Variants in OPCML observed in about 807,000 individuals in gnomAD.
OPCML encodes the protein opioid-binding protein/cell adhesion molecule.
OPCML carries 13 observed loss-of-function variants against 37.8 expected under a neutral mutation model. The observed-to-expected ratio is 0.34, with a 90% CI of 0.22 to 0.55. OPCML has a LOEUF of 0.55. Ranked by LOEUF, OPCML falls within the 20% of genes least tolerant of loss-of-function variation. OPCML has a pLI of 0.91. For synonymous variants in OPCML, 176 were observed against 168.8 expected, an observed-to-expected ratio of 1.04 and a Z score of -0.33; for missense variants, 341 against 435.6, an observed-to-expected ratio of 0.78 and a Z score of 1.93.
chr11:132,974,983 C>A (rs988935487), intron 1 of OPCML, among the ~76,000 whole-genome samples: 2 of 151,754 alleles, frequency 1.3e-5, no homozygotes, highest in African/African-American at 2.4e-5. Context: ...GCTAATAATT[C>A]ACTAATCAGT....
At chr11:132,778,768 T>A (rs1452396408) in intron 2 of OPCML, among the ~76,000 whole-genome samples, 1 of 152,050 alleles carries the variant, frequency 6.6e-6, no homozygotes, top group Non-Finnish European at 1.5e-5. Flanking sequence ...CCTATAGAAA[T>A]TAAAAGATAT....
intron 4 of OPCML, among the ~76,000 whole-genome samples, chr11:132,471,936 T>G (rs2136963491): frequency 6.6e-6 from 1 of 152,250 alleles, no homozygotes; most frequent in Admixed American, 6.5e-5. Flanking sequence ...CCTCACCCTC[T>G]TTTCCTTGTC....
At chr11:132,912,531 AT>A (rs1158337380) in intron 2 of OPCML, among the ~76,000 whole-genome samples, 1 of 152,224 alleles carries the variant, frequency 6.6e-6, no homozygotes, top group Non-Finnish European at 1.5e-5. Flanking sequence ...TTAAATAAAC[AT>A]TTGGAAACCT....
rs142692291 is a variant in OPCML, at chr11:132,613,700, C to G, written c.379+43387G>C. On this transcript the variant is annotated intron_variant, in intron 3 of 7. Transcript: ENST00000524381. ...GAGGGGCAGCATATAACACCTTGCA[C>G]TGAATTTAGAGAACAGACATATTTT... 5.3e-3 allele frequency among the ~76,000 whole-genome samples: 802 copies of G among 152,200 alleles called. 4 individuals carry two copies. Among genetic ancestry groups the G allele is most frequent in the Middle Eastern group, 0.02 (6 of 294 alleles).
intron 2 of OPCML, among the ~76,000 whole-genome samples, chr11:132,872,616 A>G (rs747726331): frequency 6.6e-6 from 1 of 152,214 alleles, no homozygotes; most frequent in Non-Finnish European, 1.5e-5. Flanking sequence ...TCTGAGGCCC[A>G]GAAACCATTA....
chr11:132,724,328 C>T (rs1211668494), intron 2 of OPCML, among the ~76,000 whole-genome samples: 1 of 152,162 alleles, frequency 6.6e-6, no homozygotes, highest in Non-Finnish European at 1.5e-5. Context: ...ATGAGACAAA[C>T]ATTAAGTTCT....
At chr11:132,962,771 GGGCA>G (rs1427869028) in intron 1 of OPCML, among the ~76,000 whole-genome samples, 3 of 152,100 alleles carry the variant, frequency 2.0e-5, no homozygotes, top group Non-Finnish European at 4.4e-5. Context: ...ATCCATTCAC[GGGCA>G]GGCACTTCAC....
At chr11:132,967,088 CCT>C (rs998932300) in intron 1 of OPCML, among the ~76,000 whole-genome samples, 3 of 151,632 alleles carry the variant, frequency 2.0e-5, no homozygotes, top group Non-Finnish European at 4.4e-5. Context: ...CTTTTTTGTT[CCT>C]CTGTTTGTCG....
At chr11:132,895,729 A>G (rs1018730432) in intron 2 of OPCML, among the ~76,000 whole-genome samples, 5 of 152,158 alleles carry the variant, frequency 3.3e-5, no homozygotes, top group African/African-American at 7.2e-5. Context: ...TTAACCCTGC[A>G]TTGTCTAAGA....
At chr11:133,445,910 G>T in intron 1 of OPCML, among the ~76,000 whole-genome samples, 1 of 152,070 alleles carries the variant, frequency 6.6e-6, no homozygotes, top group Non-Finnish European at 1.5e-5. Flanking sequence ...AGAAGGAAGG[G>T]GGGGCTGCCA....
intron 1 of OPCML, among the ~76,000 whole-genome samples, chr11:133,430,054 G>C (rs1946086029): frequency 6.6e-6 from 1 of 152,162 alleles, no homozygotes; most frequent in Non-Finnish European, 1.5e-5. Context: ...ATGCAGAGGA[G>C]AGGAGAGAAT....
At chr11:133,266,131 C>T (rs942461218) in intron 1 of OPCML, among the ~76,000 whole-genome samples, 1 of 152,132 alleles carries the variant, frequency 6.6e-6, no homozygotes, top group Non-Finnish European at 1.5e-5. Flanking sequence ...AACAAACAAA[C>T]CTGTTTTGTT....
At position 132,418,509 on chromosome 11, in the gene OPCML, CT is replaced by C. The variant is rs1373320987; in HGVS notation, c.*1683del. The C allele has an allele frequency of 6.6e-6, 1 of 152,638 alleles. No individual in the cohort carries two copies. The highest frequency in any genetic ancestry group is 1.5e-5 in the Non-Finnish European group (1 of 68,050). 9.5% of individuals were successfully genotyped at this position (152,638 alleles called of 1,614,324 possible). ...ATCAGAGGAAACTGTGTCACTGACACTTTCTCCCTTCTGTTTGCAGTGTTGT... is the reference window on the plus strand; with the variant it reads ...ATCAGAGGAAACTGTGTCACTGACACTTCTCCCTTCTGTTTGCAGTGTTGT... On this transcript the variant is annotated 3_prime_UTR_variant, in exon 8 of 8. Coordinates refer to ENST00000524381, the MANE Select transcript of OPCML (RefSeq NM_001012393.5).
intron 1 of OPCML, among the ~76,000 whole-genome samples, chr11:132,954,188 T>C (rs1945926445): frequency 6.6e-6 from 1 of 152,310 alleles, no homozygotes; most frequent in Middle Eastern, 3.4e-3. Flanking sequence ...CCAATGTTCA[T>C]TGACCATCTA....
chr11:133,405,224 G>A (rs115759030), intron 1 of OPCML, among the ~76,000 whole-genome samples: 353 of 152,298 alleles, frequency 2.3e-3, no homozygotes, highest in Middle Eastern at 0.01. Context: ...ACCTGTGGGC[G>A]TTGAGCAGAA....
intron 2 of OPCML, chr11:132,772,414 C>T (rs528014283): frequency 5.5e-4 from 84 of 152,366 alleles, no homozygotes; most frequent in African/African-American, 1.9e-3. Flanking sequence ...ATGTAGGACC[C>T]TATTTGAGAA....
chr11:133,027,677 G>A (rs1292964872), intron 1 of OPCML, among the ~76,000 whole-genome samples: 1 of 104,432 alleles, frequency 9.6e-6, no homozygotes, highest in South Asian at 3.6e-4. Context: ...GGTGTGCATG[G>A]GATGGTGTGT....
rs553617547 is a variant in OPCML, at chr11:133,161,985, C to CTTTTTTTTTT, written c.62-218985_62-218976dup. Among the ~76,000 whole-genome samples, 210 of 85,472 alleles carry CTTTTTTTTTT rather than the reference C, an allele frequency of 2.5e-3. 5 individuals are homozygous for CTTTTTTTTTT. The highest frequency in any genetic ancestry group is 2.9e-3 in the Non-Finnish European group (133 of 45,868). The allele number at this position is 85,472 out of a possible 152,430, so 56.1% of individuals were successfully genotyped here. Reference sequence around the variant, plus strand: ...AACAGGTAAGAGAGGCAGTCTCTGTCTTTTTTTTTTTTTTTTTTTTTTTTT... The same window carrying CTTTTTTTTTT: ...AACAGGTAAGAGAGGCAGTCTCTGTCTTTTTTTTTTTTTTTTTTTTTTTTTTTTTTTTTTT... On this transcript the variant is annotated intron_variant, in intron 1 of 7. Transcript: ENST00000524381.
intron 4 of OPCML, among the ~76,000 whole-genome samples, chr11:132,445,571 C>T (rs1390951789): frequency 6.6e-6 from 1 of 152,204 alleles, no homozygotes; most frequent in Non-Finnish European, 1.5e-5. Flanking sequence ...ATGTTCTCAT[C>T]CCTGGGGGGT....
Sources: allele counts gnomAD v4.1 joint callset (sites outside exome capture counted in the v4.1 genomes callset), GRCh38; gene constraint gnomAD v4.1.1; transcripts MANE v1.5; gene names NCBI Gene and HGNC (gene_info 2026-07-23, HGNC 2026-07-21).